Variants in LRRC74B observed in about 807,000 individuals in gnomAD.
LRRC74B encodes the protein leucine-rich repeat-containing protein 74B.
In LRRC74B, 30 loss-of-function variants were observed where a neutral mutation model predicts 16.6. The observed-to-expected ratio is 1.80, with a 90% CI of 1.35 to 2.45. LRRC74B has a LOEUF of 2.45. LRRC74B is among the 30% of genes most tolerant of loss of function. The probability of loss-of-function intolerance (pLI) is 0.00; values close to 1 mark genes in which losing one functional copy is unlikely to be tolerated. For synonymous variants in LRRC74B, 134 were observed against 86.0 expected, an observed-to-expected ratio of 1.56 and a Z score of -3.09; for missense variants, 326 against 202.4, an observed-to-expected ratio of 1.61 and a Z score of -3.71.
At chr22:21,056,593 G>GGAGC (rs1280177795) in intron 7 of LRRC74B, 1 of 117,552 alleles carries the variant, frequency 8.5e-6, no homozygotes, top group Non-Finnish European at 1.7e-5. Flanking sequence ...CCCCAAGCTT[G>GGAGC]GAGCACACAC....
In LRRC74B at chr22:21,057,264, TAGA is replaced by T. The variant is rs544911240; in HGVS notation, c.1023+72_1023+74del. 23 of 693,828 alleles carry T rather than the reference TAGA, an allele frequency of 3.3e-5. 1 individual carries two copies. Among genetic ancestry groups the T allele is most frequent in the African/African-American group, 3.2e-4 (18 of 56,050 alleles). The allele number at this position is 693,828 out of a possible 1,614,324, so 43.0% of individuals were successfully genotyped here. ...GCAGCCCTGTGAGGTATCATAATTT[TAGA>T]AGAAGAAAGTGAGGGTTACAGAAAT... On this transcript the variant is annotated intron_variant, in intron 8 of 8. Transcript: ENST00000442047.
chr22:21,046,255 C>T, intron 1 of LRRC74B, 130 bp downstream of exon 1: 1 of 611,622 alleles, frequency 1.6e-6, no homozygotes, highest in Non-Finnish European at 2.9e-6. Context: ...CAGCCCCCTG[C>T]CTTCCCTTCA....
intron 4 of LRRC74B, 125 bp downstream of exon 4, chr22:21,049,282 C>T: frequency 1.7e-6 from 1 of 603,078 alleles, no homozygotes; most frequent in Non-Finnish European, 3.0e-6. Context: ...GCTCCCCACA[C>T]CCCACCTTGC....
chr22:21,046,245 C>T (rs1384531883), intron 1 of LRRC74B, 120 bp downstream of exon 1: 5 of 616,074 alleles, frequency 8.1e-6, no homozygotes, highest in African/African-American at 1.9e-5. Context: ...GGGGCGCCTC[C>T]AGCCCCCTGC....
chr22:21,059,378 A>C (rs1215042087), intron 8 of LRRC74B, among the ~76,000 whole-genome samples: 1 of 152,120 alleles, frequency 6.6e-6, no homozygotes, highest in African/African-American at 2.4e-5. Flanking sequence ...GAGCAACAAG[A>C]GTGAAACTCT....
chr22:21,051,882 A>G (rs1183660089), intron 4 of LRRC74B, among the ~76,000 whole-genome samples: 1 of 151,154 alleles, frequency 6.6e-6, no homozygotes, highest in Non-Finnish European at 1.5e-5. Context: ...GTGCATTTCC[A>G]CAGGTGCCCC....
chr22:21,048,866 C>G (rs1391278256), intron 3 of LRRC74B, 85 bp from the exon 4 acceptor site: 2 of 676,112 alleles, frequency 3.0e-6, no homozygotes, highest in African/African-American at 3.5e-5. Flanking sequence ...TCCTCAGCCT[C>G]AGACCTGGAG....
At chr22:21,055,720 C>G (rs1425767344) in intron 7 of LRRC74B, among the ~76,000 whole-genome samples, 1 of 152,130 alleles carries the variant, frequency 6.6e-6, no homozygotes, top group Non-Finnish European at 1.5e-5. Context: ...GTATGGACAT[C>G]CAGCTCTGTC....
intron 3 of LRRC74B, chr22:21,048,340 G>C: frequency 2.9e-6 from 1 of 340,540 alleles, no homozygotes; most frequent in Non-Finnish European, 5.6e-6. Context: ...ACAGAGAGGT[G>C]GGAGTTGGGC....
intron 4 of LRRC74B, 46 bp from the exon 5 acceptor site, chr22:21,052,203 G>A (rs769635493): frequency 4.0e-5 from 29 of 716,334 alleles, no homozygotes; most frequent in African/African-American, 1.7e-4. Flanking sequence ...ATCTTTTGAA[G>A]GAGTGAAGAG....
chr22:21,046,167 G>T (rs1484139574), intron 1 of LRRC74B, 42 bp downstream of exon 1: 1 of 713,248 alleles, frequency 1.4e-6, no homozygotes, highest in Non-Finnish European at 2.6e-6. Flanking sequence ...CCCCTTTGGG[G>T]GTCTTCTCCC....
In LRRC74B at chr22:21,047,340, C is replaced by A. The variant is rs1418232442; in HGVS notation, c.140-16C>A. 2.8e-6 allele frequency: 2 copies of A among 716,566 alleles called. No homozygotes were observed. The highest frequency in any genetic ancestry group is 4.0e-5 in the Admixed American group (2 of 49,932). 44.4% of individuals were successfully genotyped at this position (716,566 alleles called of 1,614,324 possible). ...AGCTGTGCAGGGTCCACATTCGTCC[C>A]CCTGTCTCCTGCCAGGCACCGATGG... On this transcript the variant is annotated splice_polypyrimidine_tract_variant and intron_variant, in intron 1 of 8. Transcript: ENST00000442047.
downstream of LRRC74B, among the ~76,000 whole-genome samples, chr22:21,060,888 G>A (rs1386022914): frequency 6.6e-6 from 1 of 152,174 alleles, no homozygotes; most frequent in Admixed American, 6.6e-5. Flanking sequence ...CTCTACTTTT[G>A]AGAATGCAAA....
exon 6 of LRRC74B, chr22:21,053,472 T>C (rs764145291): frequency 1.4e-6 from 1 of 716,840 alleles, no homozygotes; most frequent in South Asian, 1.5e-5. Flanking sequence ...GAACTCAACA[T>C]GAGGTGAGGA....
At chr22:21,061,756 C>G (rs1930817124), downstream of LRRC74B, 1 of 152,080 alleles carries the variant, frequency 6.6e-6, no homozygotes, top group South Asian at 2.1e-4. Flanking sequence ...GACATATGTC[C>G]CCACAAGAAC....
intron 1 of LRRC74B, 141 bp downstream of exon 1, chr22:21,046,266 T>C (rs1319791310): frequency 4.9e-6 from 3 of 609,144 alleles, no homozygotes; most frequent in Non-Finnish European, 8.8e-6. Context: ...CTTCCCTTCA[T>C]TGCTCCTGGA....
intron 4 of LRRC74B, among the ~76,000 whole-genome samples, chr22:21,049,757 C>T (rs955654842): frequency 2.6e-5 from 4 of 151,936 alleles, no homozygotes; most frequent in Admixed American, 6.6e-5. Context: ...GGCTGTAGGC[C>T]GTGGCAAAAA....
downstream of LRRC74B, chr22:21,063,605 T>G (rs1930912578): frequency 6.6e-6 from 1 of 151,356 alleles, no homozygotes; most frequent in Admixed American, 6.6e-5. Flanking sequence ...GTCAGGAGGT[T>G]GAGGCTGCAG....
At chr22:21,052,159 AGCAGAGGCTCGGCAC>A (rs1930116577) in intron 4 of LRRC74B, 75 bp from the exon 5 acceptor site, 1 of 698,378 alleles carries the variant, frequency 1.4e-6, no homozygotes, top group African/African-American at 1.8e-5. Context: ...CCTCCTGCCC[AGCAGAGGCTCGGCAC>A]GCAGTGGGCA....
Sources: allele counts gnomAD v4.1 joint callset (sites outside exome capture counted in the v4.1 genomes callset), GRCh38; gene constraint gnomAD v4.1.1; transcripts MANE v1.5; gene names NCBI Gene and HGNC (gene_info 2026-07-23, HGNC 2026-07-21).